The following KIAA0825 variants were observed in gnomAD, a reference collection of about 807,000 sequenced individuals.
KIAA0825 encodes uncharacterized protein KIAA0825.
Under a neutral mutation model 147.6 loss-of-function variants are expected in KIAA0825, and 119 were observed. That is an observed-to-expected ratio of 0.81 (90% CI 0.69 to 0.94). KIAA0825 has a LOEUF of 0.94. Among genes scored for constraint, KIAA0825 ranks in the 40% least tolerant of loss-of-function variants. The pLI is 0.00. For missense variants in KIAA0825, 1,381 were observed against 1,472.7 expected (o/e 0.94, Z 1.02); for synonymous variants, 470 against 518.1 (o/e 0.91, Z 1.26).
intron 20 of KIAA0825, among the ~76,000 whole-genome samples, chr5:94,156,701 G>C (rs1226063003): frequency 6.6e-6 from 1 of 152,002 alleles, no homozygotes; most frequent in Non-Finnish European, 1.5e-5. Flanking sequence ...ATTAGGTAAA[G>C]TTATTTACCT....
rs369080207 is a variant in KIAA0825, at chr5:94,176,643, A to T, written c.3711-22519T>A. On this transcript the variant is annotated intron_variant, in intron 20 of 20. Transcript: ENST00000682413. ...ATTCAAAATTATCATTAAAAAGCAT[A>T]AAAAAAATCTGCCATAGACCAATGC... Among the ~76,000 whole-genome samples, 64 of 147,816 alleles carry T rather than the reference A, an allele frequency of 4.3e-4. 1 individual carries two copies. The highest frequency in any genetic ancestry group is 1.5e-3 in the African/African-American group (63 of 41,220).
intron 2 of KIAA0825, among the ~76,000 whole-genome samples, chr5:94,549,206 G>A (rs1775045782): frequency 6.6e-6 from 1 of 151,980 alleles, no homozygotes; most frequent in Non-Finnish European, 1.5e-5. Context: ...ACAAAACAAG[G>A]CTTAAAAGAT....
chr5:94,190,870 T>C (rs939393923), intron 20 of KIAA0825, among the ~76,000 whole-genome samples: 2 of 152,136 alleles, frequency 1.3e-5, no homozygotes, highest in African/African-American at 2.4e-5. Flanking sequence ...TGTGTCTTAA[T>C]ATTACTTACT....
At chr5:94,551,751 A>G (rs544541299) in intron 2 of KIAA0825, among the ~76,000 whole-genome samples, 31 of 152,200 alleles carry the variant, frequency 2.0e-4, no homozygotes, top group African/African-American at 6.0e-4. Context: ...AACTACCACC[A>G]TGAAAATACT....
At chr5:94,485,462 T>A (rs1762939209) in intron 5 of KIAA0825, among the ~76,000 whole-genome samples, 1 of 151,900 alleles carries the variant, frequency 6.6e-6, no homozygotes, top group African/African-American at 2.4e-5. Flanking sequence ...GAAATCTGAC[T>A]GAAGTCTACT....
chr5:94,205,512 C>T (rs1001680690), intron 20 of KIAA0825, among the ~76,000 whole-genome samples: 67 of 151,798 alleles, frequency 4.4e-4, no homozygotes, highest in Admixed American at 1.4e-3. Context: ...AGGATGGTCT[C>T]GATCTCCTGA....
chr5:94,602,758 A>C lies in KIAA0825; in HGVS notation c.-153+15742T>G, dbSNP rs1455912004. ...AGTGTTTGTTTCACCTTCCACCATGAGTGTAAGTTTCCTGAGGAACTGTGA... is the reference window on the plus strand; with the variant it reads ...AGTGTTTGTTTCACCTTCCACCATGCGTGTAAGTTTCCTGAGGAACTGTGA... On this transcript the variant is annotated intron_variant, in intron 1 of 20. Coordinates refer to ENST00000682413, the MANE Select transcript of KIAA0825 (RefSeq NM_001145678.3). 2.0e-5 allele frequency among the ~76,000 whole-genome samples: 3 copies of C among 151,416 alleles called. No individual in the cohort carries two copies. The East Asian group carries it at 5.8e-4, about 29-fold the overall frequency.
chr5:94,386,299 C>T lies in KIAA0825; in HGVS notation c.3562G>A (p.Ala1188Thr), dbSNP rs73142965. ...TLRSIEDQPS[A>T]FNPFHVYKAF... is the part of the protein sequence containing the mutation. Reference sequence around the variant, plus strand: ...TTATACACATGGAAAGGGTTAAAGGCAGAAGGCTGATCTTCTATACTCCTC... The same window carrying T: ...TTATACACATGGAAAGGGTTAAAGGTAGAAGGCTGATCTTCTATACTCCTC... Residue 1188 changes from alanine (A) to threonine (T), a missense_variant, in exon 19 of 21, where the codon GCC becomes ACC. By Grantham distance (58) the Ala-to-Thr change is moderately conservative (BLOSUM62 0). Transcript: ENST00000682413. 2,192 of 1,551,482 alleles carry T rather than the reference C, an allele frequency of 1.4e-3. 24 individuals carry two copies. The African/African-American group carries it at 0.026, about 18-fold the overall frequency.
intron 20 of KIAA0825, among the ~76,000 whole-genome samples, chr5:94,343,405 A>T (rs1782643111): frequency 6.6e-6 from 1 of 152,156 alleles, no homozygotes; most frequent in South Asian, 2.1e-4. Flanking sequence ...GAAGGTGAAA[A>T]GGAGGCCAGG....
At chr5:94,351,049 T>G (rs944177150) in intron 20 of KIAA0825, among the ~76,000 whole-genome samples, 1 of 152,050 alleles carries the variant, frequency 6.6e-6, no homozygotes, top group South Asian at 2.1e-4. Context: ...TTCAATGTAG[T>G]ACTGGAAGTC....
chr5:94,501,364 G>C (rs765383839), intron 5 of KIAA0825, among the ~76,000 whole-genome samples: 2 of 152,318 alleles, frequency 1.3e-5, no homozygotes, highest in South Asian at 4.1e-4. Flanking sequence ...TTAATACTTA[G>C]ATGCTATGAG....
intron 2 of KIAA0825, among the ~76,000 whole-genome samples, chr5:94,567,143 C>G (rs62365664): frequency 0.18 from 27,802 of 152,112 alleles, 3,300 homozygotes; most frequent in Non-Finnish European, 0.27. Flanking sequence ...ACAATTAAAT[C>G]TTGCATGTAA....
At chr5:94,217,648 AG>A (rs1773317274) in intron 20 of KIAA0825, among the ~76,000 whole-genome samples, 1 of 152,222 alleles carries the variant, frequency 6.6e-6, no homozygotes, top group African/African-American at 2.4e-5. Flanking sequence ...AGACCAGGGC[AG>A]AGAAGATAGA....
At chr5:94,395,092 T>C (rs1750463923) in intron 17 of KIAA0825, among the ~76,000 whole-genome samples, 1 of 152,194 alleles carries the variant, frequency 6.6e-6, no homozygotes, top group South Asian at 2.1e-4. Context: ...ACTCCATGAA[T>C]GTTATTTAAT....
intron 5 of KIAA0825, among the ~76,000 whole-genome samples, chr5:94,510,895 T>G (rs1766381476): frequency 1.3e-5 from 2 of 152,192 alleles, no homozygotes; most frequent in South Asian, 4.1e-4. Context: ...CAAAGAATTT[T>G]AATAGTTCTA....
intron 20 of KIAA0825, among the ~76,000 whole-genome samples, chr5:94,323,187 C>G (rs1257777927): frequency 1.3e-5 from 2 of 151,834 alleles, no homozygotes; most frequent in African/African-American, 4.8e-5. Context: ...AATGTATCCT[C>G]TATGTATTTT....
chr5:94,562,022 G>T (rs958799852), intron 2 of KIAA0825, among the ~76,000 whole-genome samples: 1 of 152,092 alleles, frequency 6.6e-6, no homozygotes, highest in Admixed American at 6.5e-5. Flanking sequence ...TTAAAAAATT[G>T]TGAAAGGTAG....
At chr5:94,346,072 C>A (rs755196539) in intron 20 of KIAA0825, among the ~76,000 whole-genome samples, 11 of 152,126 alleles carry the variant, frequency 7.2e-5, no homozygotes, top group Non-Finnish European at 1.6e-4. Flanking sequence ...GGTGTGGCAC[C>A]GGGCTGTCTG....
chr5:94,403,930 T>A, intron 15 of KIAA0825, 137 bp from the exon 16 acceptor site: 1 of 657,528 alleles, frequency 1.5e-6, no homozygotes, highest in East Asian at 2.7e-5. Flanking sequence ...AGAAATCATA[T>A]GATTGATAAC....
Sources: allele counts gnomAD v4.1 joint callset (sites outside exome capture counted in the v4.1 genomes callset), GRCh38; gene constraint gnomAD v4.1.1; transcripts MANE v1.5; gene names NCBI Gene and HGNC (gene_info 2026-07-23, HGNC 2026-07-21).